HDAC8: variants seen among roughly 807,000 people sequenced by gnomAD.
HDAC8 encodes the protein histone deacetylase 8, also known as histone deacetylase-like 1.
In HDAC8, 1 loss-of-function variant was observed where a neutral mutation model predicts 32.2. The ratio of observed to expected loss-of-function variants is 0.03; its 90% CI spans 0.01 to 0.15. The LOEUF is 0.15. Ranked by LOEUF, HDAC8 falls within the 10% of genes least tolerant of loss-of-function variation. HDAC8 has a pLI of 1.00. For synonymous variants in HDAC8, 108 were observed against 113.9 expected (o/e 0.95, Z 0.33); for missense variants, 117 against 300.0 (o/e 0.39, Z 4.51).
intron 10 of HDAC8, among the ~76,000 whole-genome samples, chrX:72,339,434 C>T (rs1451631733): frequency 8.9e-6 from 1 of 112,267 alleles, no homozygotes; most frequent in African/African-American, 3.2e-5. Context: ...CTAGTATGTA[C>T]AGAGTGCTGT....
intron 4 of HDAC8, among the ~76,000 whole-genome samples, chrX:72,536,103 G>A (rs782077762): frequency 1.6e-4 from 18 of 111,570 alleles, no homozygotes; most frequent in Non-Finnish European, 2.8e-4. Context: ...GCTCCTTTTC[G>A]TAACACCCCA....
chrX:72,547,625 C>T (rs1414467664), intron 4 of HDAC8, among the ~76,000 whole-genome samples: 1 of 110,721 alleles, frequency 9.0e-6, no homozygotes, highest in Non-Finnish European at 1.9e-5. Context: ...GTAAGTGTAG[C>T]ACAGTGGTTA....
intron 9 of HDAC8, among the ~76,000 whole-genome samples, chrX:72,456,649 A>G (rs1468427657): frequency 1.8e-5 from 2 of 110,515 alleles, no homozygotes; most frequent in African/African-American, 6.6e-5. Context: ...AAATACAAAA[A>G]TTAGCCGGGT....
chrX:72,474,258 T>C, intron 7 of HDAC8: 1 of 732,263 alleles, frequency 1.4e-6, no homozygotes, highest in African/African-American at 2.3e-5. Context: ...CTATGTTTTA[T>C]TTATTTAAAT....
At chrX:72,380,330 T>C (rs1277393224) in intron 9 of HDAC8, among the ~76,000 whole-genome samples, 1 of 111,976 alleles carries the variant, frequency 8.9e-6, no homozygotes, top group Non-Finnish European at 1.9e-5. Context: ...TCTTGAATCA[T>C]GCCTAATAAA....
At chrX:72,559,218 T>C (rs1311524712) in intron 4 of HDAC8, among the ~76,000 whole-genome samples, 1 of 106,212 alleles carries the variant, frequency 9.4e-6, no homozygotes, top group Non-Finnish European at 1.9e-5. Context: ...ATTGCAGGCG[T>C]GCTGCCACGC....
At chrX:72,459,945 T>C (rs1019092345) in intron 9 of HDAC8, among the ~76,000 whole-genome samples, 3 of 112,076 alleles carry the variant, frequency 2.7e-5, no homozygotes, top group Middle Eastern at 4.2e-3. Context: ...TAAAATGTTA[T>C]CTTATTGTAC....
intron 9 of HDAC8, among the ~76,000 whole-genome samples, chrX:72,399,100 G>C (rs1474065294): frequency 9.0e-6 from 1 of 111,685 alleles, no homozygotes; most frequent in Non-Finnish European, 1.9e-5. Flanking sequence ...TGCAAGTTGA[G>C]AACCACTGAA....
chrX:72,376,390 C>G (rs2045078858), intron 9 of HDAC8, among the ~76,000 whole-genome samples: 1 of 111,744 alleles, frequency 8.9e-6, no homozygotes, highest in South Asian at 3.7e-4. Context: ...TTCTTTATTT[C>G]AGTTCTTCTT....
At chrX:72,467,144 CA>C (rs1555995045) in intron 7 of HDAC8, 1 of 108,224 alleles carries the variant, frequency 9.2e-6, no homozygotes, top group Admixed American at 1.0e-4. Context: ...TGTAGTTATG[CA>C]AGGCTACATG....
chrX:72,344,128 T>C (rs1158955075), intron 10 of HDAC8, among the ~76,000 whole-genome samples: 2 of 111,844 alleles, frequency 1.8e-5, no homozygotes, highest in African/African-American at 6.5e-5. Context: ...AGGGTGTCAA[T>C]GGTGGCTGAG....
intron 9 of HDAC8, among the ~76,000 whole-genome samples, chrX:72,402,927 G>T (rs2045943549): frequency 9.0e-6 from 1 of 111,305 alleles, no homozygotes; most frequent in Non-Finnish European, 1.9e-5. Context: ...AATTAATTTT[G>T]TTATAAAGTC....
chrX:72,548,659 A>G (rs2050951500), intron 4 of HDAC8, among the ~76,000 whole-genome samples: 1 of 107,946 alleles, frequency 9.3e-6, no homozygotes, highest in South Asian at 4.0e-4. Flanking sequence ...TCTCTATAGC[A>G]CTGTTTCTCA....
intron 7 of HDAC8, among the ~76,000 whole-genome samples, chrX:72,475,290 C>G (rs1205881697): frequency 8.9e-6 from 1 of 112,204 alleles, no homozygotes. Context: ...GCTTTGAATT[C>G]TCAATGTCAG....
chrX:72,334,605 T>C (rs1351195856), intron 10 of HDAC8, among the ~76,000 whole-genome samples: 3 of 111,751 alleles, frequency 2.7e-5, no homozygotes, highest in Non-Finnish European at 3.8e-5. Context: ...AATTTCACAT[T>C]TTTATGCAGT....
intron 5 of HDAC8, among the ~76,000 whole-genome samples, chrX:72,493,088 A>AC (rs1486063583): frequency 8.9e-6 from 1 of 111,750 alleles, no homozygotes; most frequent in Non-Finnish European, 1.9e-5. Flanking sequence ...TGGAACTTGA[A>AC]CAAATGGGTA....
intron 7 of HDAC8, among the ~76,000 whole-genome samples, chrX:72,476,982 A>G (rs2048354225): frequency 8.9e-6 from 1 of 111,976 alleles, no homozygotes; most frequent in Non-Finnish European, 1.9e-5. Context: ...CAGTGCTGTC[A>G]ATCTATTACC....
At chrX:72,406,379 TCACTA>T (rs1555968768) in intron 9 of HDAC8, among the ~76,000 whole-genome samples, 1 of 111,670 alleles carries the variant, frequency 9.0e-6, no homozygotes, top group Non-Finnish European at 1.9e-5. Context: ...TAGGCATGTG[TCACTA>T]CACTGGGCTA....
rs1289426864 is a variant in HDAC8, at chrX:72,514,046, G to C, written c.438-18778C>G. Among the ~76,000 whole-genome samples, 3 of 112,402 alleles carry C rather than the reference G, an allele frequency of 2.7e-5. 1 individual carries two copies. The highest frequency in any genetic ancestry group is 9.7e-5 in the African/African-American group (3 of 30,931). ...AACACACTTAAAATGGAAATGACTT[G>C]AATCAGTTGGCAAAGTGGGTGGCTA... On this transcript the variant is annotated intron_variant, in intron 4 of 10. Transcript: ENST00000373573.
Sources: gnomAD v4.1 joint callset for allele counts (sites outside exome capture counted in the v4.1 genomes callset) on GRCh38, gnomAD v4.1.1 for gene constraint, MANE v1.5 for transcripts, NCBI Gene and HGNC (gene_info 2026-07-23, HGNC 2026-07-21) for gene names.